Variants in ODAD4 observed in about 807,000 individuals in gnomAD.
ODAD4 encodes outer dynein arm docking complex subunit 4.
Under a neutral mutation model 51.8 loss-of-function variants are expected in ODAD4, and 49 were observed. That is an observed-to-expected ratio of 0.95 (90% CI 0.75 to 1.20). The LOEUF is 1.20. Ranked by LOEUF, ODAD4 falls within the 50% of genes most tolerant of loss-of-function variation. The probability of loss-of-function intolerance (pLI) is 0.00; values close to 1 mark genes in which losing one functional copy is unlikely to be tolerated. For missense variants in ODAD4, 590 were observed against 586.5 expected (o/e 1.01, Z -0.06); for synonymous variants, 235 against 221.3 (o/e 1.06, Z -0.55).
intron 9 of ODAD4, among the ~76,000 whole-genome samples, chr17:41,952,875 A>C (rs918802835): frequency 1.3e-5 from 2 of 151,524 alleles, no homozygotes; most frequent in African/African-American, 4.8e-5. Flanking sequence ...AGTTGCTGGG[A>C]CCACAGGTGC....
chr17:41,936,044 G>C (rs1456003286), intron 3 of ODAD4, among the ~76,000 whole-genome samples: 1 of 152,226 alleles, frequency 6.6e-6, no homozygotes, highest in Non-Finnish European at 1.5e-5. Flanking sequence ...TCTTTAGCCT[G>C]GTGTCAAAAG....
intron 1 of ODAD4, 43 bp downstream of exon 1, chr17:41,930,880 ACTT>A: frequency 7.4e-6 from 1 of 135,220 alleles, no homozygotes; most frequent in Non-Finnish European, 1.2e-5. Flanking sequence ...ATCACCCGTC[ACTT>A]TTTTTTTTTT....
At chr17:41,952,510 G>T in intron 9 of ODAD4, 1 of 282,372 alleles carries the variant, frequency 3.5e-6, no homozygotes, top group African/African-American at 2.5e-5. Flanking sequence ...TTCCAGCCTG[G>T]GATACAGAGC....
intron 6 of ODAD4, 35 bp downstream of exon 6, chr17:41,938,816 T>A: frequency 6.2e-7 from 1 of 1,603,700 alleles, no homozygotes; most frequent in South Asian, 1.1e-5. Flanking sequence ...GGCAGGTGCC[T>A]CCAGTGCCTT....
chr17:41,931,417 C>G (rs1555636817), intron 1 of ODAD4, among the ~76,000 whole-genome samples: 1 of 152,214 alleles, frequency 6.6e-6, no homozygotes, highest in Non-Finnish European at 1.5e-5. Flanking sequence ...TAACCGGCCT[C>G]CTTCCACAGA....
chr17:41,957,574 A>G (rs1033110380), intron 10 of ODAD4, among the ~76,000 whole-genome samples: 2 of 152,084 alleles, frequency 1.3e-5, no homozygotes, highest in Non-Finnish European at 2.9e-5. Flanking sequence ...GAGACAAGAA[A>G]TCTAGTGTGA....
intron 10 of ODAD4, 107 bp from the exon 11 acceptor site, chr17:41,961,275 G>A: frequency 1.5e-6 from 1 of 656,008 alleles, no homozygotes; most frequent in Admixed American, 2.5e-5. Context: ...GGAAACCAAG[G>A]GTGGCAGGTT....
chr17:41,966,123 T>C lies in ODAD4; in HGVS notation c.*640T>C. 6.6e-6 allele frequency among the ~76,000 whole-genome samples: 1 copy of C among 152,168 alleles called. No individual in the cohort carries two copies. Reference sequence around the variant, plus strand: ...GGGGTTGCTGCGAGGACTGAGTGCTTAGCACAGCACTTGGACAGGAAACTC... The same window carrying C: ...GGGGTTGCTGCGAGGACTGAGTGCTCAGCACAGCACTTGGACAGGAAACTC... On this transcript the variant is annotated 3_prime_UTR_variant, in exon 12 of 12. Transcript: ENST00000377540.
Position 41,949,273 on chromosome 17 carries a change from G to A in ODAD4, c.1266G>A (p.Lys422=). The A allele has an allele frequency of 2.5e-6, 1 of 398,682 alleles. No homozygotes were observed. 24.7% of individuals were successfully genotyped at this position (398,682 alleles called of 1,614,324 possible). ...QAWQAQNYGE[K]SQQCAEEEGD... ...GGCAGGCCCAGAATTATGGCGAGAAGTCCCAGCAGTGTGCCGAGGAGGAAG... is the reference window on the plus strand; with the variant it reads ...GGCAGGCCCAGAATTATGGCGAGAAATCCCAGCAGTGTGCCGAGGAGGAAG... The change falls in exon 9 of 12, where the codon AAG becomes AAA. Residue 422 remains lysine (K), a synonymous_variant. Coordinates refer to ENST00000377540, the MANE Select transcript of ODAD4 (RefSeq NM_031421.5).
rs376276139 is a variant in ODAD4, at chr17:41,935,183, T to G, written c.115-34T>G. On this transcript the variant is annotated intron_variant, in intron 1 of 11. Transcript: ENST00000377540. ...ACTCCAGCTTCTACCTTGCTCTTCA[T>G]GCTGGCTGTCAACCTGACTGGTTTC... 14 of 1,613,094 alleles carry G rather than the reference T, an allele frequency of 8.7e-6. No individual in the cohort carries two copies. The African/African-American group carries it at 1.9e-4, about 22-fold the overall frequency.
At position 41,965,107 on chromosome 17, in the gene ODAD4, C is replaced by G. The variant is rs2050860616; in HGVS notation, c.1643C>G (p.Thr548Arg). The G allele has an allele frequency of 1.3e-6, 1 of 771,820 alleles. No individual in the cohort carries two copies. Among genetic ancestry groups the G allele is most frequent in the African/African-American group, 1.7e-5 (1 of 58,926 alleles). 47.8% of individuals were successfully genotyped at this position (771,820 alleles called of 1,614,324 possible). A position where few individuals can be genotyped will look rare whatever the true frequency, so the allele number is the denominator to read the frequency against. Residue 548 changes from threonine (T) to arginine (R), a missense_variant, in exon 12 of 12, where the codon ACA becomes AGA. Around this residue, in one of 3 missense-constraint regions of ODAD4, gnomAD observed 226 missense variants for 162.7 expected, o/e 1.39. Coordinates refer to ENST00000377540, the MANE Select transcript of ODAD4 (RefSeq NM_031421.5). ...QWDHSEDEKE[T>R]DEDDEAFGEA... ...GACCATAGTGAGGATGAGAAAGAGA[C>G]AGATGAGGACGATGAGGCTTTTGGG... is the stretch of plus-strand genomic sequence containing the variant.
In ODAD4 at chr17:41,959,564, A is replaced by C. The variant is rs541911521; in HGVS notation, c.1444-1818A>C. Among the ~76,000 whole-genome samples, 3 of 152,330 alleles carry C rather than the reference A, an allele frequency of 2.0e-5. No homozygotes were observed. The South Asian group carries it at 6.2e-4, about 32-fold the overall frequency. ...GAGGAAGACCTCATGCTGTGCTCTG[A>C]AGGACAAGGATAGCAGAGCTGGCCA... On this transcript the variant is annotated intron_variant, in intron 10 of 11. Transcript: ENST00000377540.
intron 10 of ODAD4, among the ~76,000 whole-genome samples, chr17:41,957,459 T>A (rs1161161214): frequency 6.6e-6 from 1 of 152,162 alleles, no homozygotes; most frequent in Non-Finnish European, 1.5e-5. Context: ...GACCCTCCGC[T>A]TACCTCCTGC....
intron 11 of ODAD4, among the ~76,000 whole-genome samples, chr17:41,961,939 C>T (rs1204131344): frequency 6.6e-6 from 1 of 151,980 alleles, no homozygotes; most frequent in African/African-American, 2.4e-5. Context: ...GAGGAGGCTT[C>T]GACGAGGAAA....
At chr17:41,964,058 G>A (rs553638809) in intron 11 of ODAD4, among the ~76,000 whole-genome samples, 2 of 146,334 alleles carry the variant, frequency 1.4e-5, no homozygotes, top group East Asian at 2.0e-4. Flanking sequence ...CACCACTCCC[G>A]GTTAATTTTT....
At chr17:41,954,599 C>A (rs1402979651) in intron 9 of ODAD4, among the ~76,000 whole-genome samples, 1 of 151,956 alleles carries the variant, frequency 6.6e-6, no homozygotes, top group Non-Finnish European at 1.5e-5. Flanking sequence ...CACCTGTAAT[C>A]CCAGCACTTT....
chr17:41,958,577 G>A (rs8066650), intron 10 of ODAD4, among the ~76,000 whole-genome samples: 125 of 149,760 alleles, frequency 8.3e-4, no homozygotes, highest in African/African-American at 2.9e-3. Context: ...CAGGAGAATC[G>A]CTTGAACCCG....
intron 3 of ODAD4, among the ~76,000 whole-genome samples, chr17:41,936,041 C>T (rs1391081131): frequency 6.6e-6 from 1 of 152,184 alleles, no homozygotes; most frequent in Non-Finnish European, 1.5e-5. Flanking sequence ...CTGTCTTTAG[C>T]CTGGTGTCAA....
intron 10 of ODAD4, among the ~76,000 whole-genome samples, chr17:41,958,014 C>T (rs2050755669): frequency 6.6e-6 from 1 of 152,120 alleles, no homozygotes; most frequent in Admixed American, 6.5e-5. Flanking sequence ...TGCACTCAAG[C>T]GATCCTCCTG....
Sources: gnomAD v4.1 joint callset for allele counts (sites outside exome capture counted in the v4.1 genomes callset) on GRCh38, gnomAD v4.1.1 for gene constraint, gnomAD v4.1.1 regional missense constraint, MANE v1.5 for transcripts, NCBI Gene and HGNC (gene_info 2026-07-23, HGNC 2026-07-21) for gene names.